SLC13A3: variants seen among roughly 807,000 people sequenced by gnomAD.
SLC13A3 encodes solute carrier family 13 member 3.
In SLC13A3, 40 loss-of-function variants were observed where a neutral mutation model predicts 59.0. The observed-to-expected ratio is 0.68, with a 90% CI of 0.53 to 0.88. The LOEUF is 0.88. Ranked by LOEUF, SLC13A3 falls within the 40% of genes least tolerant of loss-of-function variation. The pLI, the probability that SLC13A3 is intolerant of heterozygous loss-of-function variation, is 0.00. For synonymous variants in SLC13A3, 317 were observed against 330.3 expected (o/e 0.96, Z 0.44); for missense variants, 699 against 783.2 (o/e 0.89, Z 1.28).
Position 46,561,659 on chromosome 20 carries a change from TG to T in SLC13A3, c.1633-1462del, listed in dbSNP as rs1169326280. On this transcript the variant is annotated intron_variant, in intron 12 of 12. Coordinates refer to ENST00000279027, the MANE Select transcript of SLC13A3 (RefSeq NM_022829.6). ...GAATATTCTTATTCAAGTTTTTTTT[TG>T]TTTTTTTTTTTTAATGTCAAGCTGA... Among the ~76,000 whole-genome samples the T allele has an allele frequency of 5.7e-3, 816 of 142,908 alleles. 14 individuals carry two copies. The highest frequency in any genetic ancestry group is 0.019 in the African/African-American group (738 of 39,120). 93.8% of individuals were successfully genotyped at this position (142,908 alleles called of 152,430 possible).
chr20:46,679,394 T>C (rs1212882448), intron 1 of SLC13A3, among the ~76,000 whole-genome samples: 2 of 151,894 alleles, frequency 1.3e-5, no homozygotes, highest in Non-Finnish European at 2.9e-5. Context: ...CTGTCTCTAC[T>C]AACAAATACA....
At chr20:46,607,004 C>T (rs1435490635) in intron 3 of SLC13A3, among the ~76,000 whole-genome samples, 10 of 152,250 alleles carry the variant, frequency 6.6e-5, no homozygotes, top group Admixed American at 6.5e-4. Flanking sequence ...CAGATAGCCC[C>T]ACCCTGCCCT....
At chr20:46,561,198 C>T (rs1356004551) in intron 12 of SLC13A3, among the ~76,000 whole-genome samples, 1 of 152,150 alleles carries the variant, frequency 6.6e-6, no homozygotes, top group Non-Finnish European at 1.5e-5. Context: ...AGCCCCCTGC[C>T]CTCTTTGAGT....
At chr20:46,566,740 C>T (rs1191929127) in intron 10 of SLC13A3, among the ~76,000 whole-genome samples, 27 of 151,802 alleles carry the variant, frequency 1.8e-4, no homozygotes, top group Non-Finnish European at 5.9e-5. Flanking sequence ...TCTCATCCCT[C>T]CAGTGAAGGT....
chr20:46,583,321 T>G (rs2062157658), intron 9 of SLC13A3: 1 of 1,014,642 alleles, frequency 9.9e-7, no homozygotes. Flanking sequence ...AAAACTGTGC[T>G]TAGCTCACAG....
chr20:46,652,416 T>A (rs1204798690), upstream of SLC13A3, among the ~76,000 whole-genome samples: 1 of 152,050 alleles, frequency 6.6e-6, no homozygotes, highest in Non-Finnish European at 1.5e-5. Flanking sequence ...TGAGATGTAG[T>A]CTCACTCTGT....
chr20:46,622,773 A>T (rs1253942821), intron 1 of SLC13A3, among the ~76,000 whole-genome samples: 1 of 152,152 alleles, frequency 6.6e-6, no homozygotes, highest in Non-Finnish European at 1.5e-5. Flanking sequence ...CAAGAATTTT[A>T]AAAAGACATG....
chr20:46,650,245 T>C lies in SLC13A3; in HGVS notation c.111+1066A>G, dbSNP rs116575848. Among the ~76,000 whole-genome samples, 558 of 152,214 alleles carry C rather than the reference T, an allele frequency of 3.7e-3. 4 individuals are homozygous for C. The highest frequency in any genetic ancestry group is 0.013 in the African/African-American group (536 of 41,538). ...CTTTGATCTTACAGGGGTTACTTCC[T>C]TGGGGAGACTGAAAACAGCTAGGGT... On this transcript the variant is annotated intron_variant, in intron 1 of 12. Coordinates refer to ENST00000279027, the MANE Select transcript of SLC13A3 (RefSeq NM_022829.6).
At chr20:46,573,302 C>G (rs748854771) in intron 10 of SLC13A3, among the ~76,000 whole-genome samples, 14 of 152,194 alleles carry the variant, frequency 9.2e-5, no homozygotes, top group Non-Finnish European at 1.6e-4. Flanking sequence ...TGAGGTCATA[C>G]CTGCACCTGG....
intron 1 of SLC13A3, among the ~76,000 whole-genome samples, chr20:46,656,523 TG>T (rs2062995384): frequency 7.0e-6 from 1 of 142,562 alleles, no homozygotes; most frequent in East Asian, 2.0e-4. Context: ...ATACTGTATA[TG>T]ATATATACTA....
Position 46,560,066 on chromosome 20 carries a change from C to T in SLC13A3, c.1765G>A (p.Ala589Thr). The stretch of plus-strand genomic sequence containing the variant: ...TCATTGGCCAAGGTGGGTGGCAATG[C>T]TGTGACATTGACCGAGTACATATCA... ...WADMYSVNVTALPPTLANDTF... is the reference protein window; with the variant it reads ...WADMYSVNVTTLPPTLANDTF... Residue 589 changes from alanine (A) to threonine (T), a missense_variant, in exon 13 of 13, where the codon GCA becomes ACA. By Grantham distance (58) the Ala-to-Thr change is moderately conservative. Transcript: ENST00000279027. 1 of 1,614,186 alleles carries T rather than the reference C, an allele frequency of 6.2e-7. No individual in the cohort carries two copies.
At chr20:46,560,362 T>C (rs2061920538) in intron 12 of SLC13A3, among the ~76,000 whole-genome samples, 164 bp from the exon 13 acceptor site, 1 of 152,132 alleles carries the variant, frequency 6.6e-6, no homozygotes, top group African/African-American at 2.4e-5. Context: ...GACCCTTCAA[T>C]CTTTACACTA....
At chr20:46,583,488 T>C in intron 9 of SLC13A3, 84 bp downstream of exon 9, 1 of 1,563,064 alleles carries the variant, frequency 6.4e-7, no homozygotes. Flanking sequence ...GTTAGTGCAG[T>C]GGGGGGCTCC....
At chr20:46,656,916 A>G (rs894578586) in intron 1 of SLC13A3, among the ~76,000 whole-genome samples, 2 of 152,024 alleles carry the variant, frequency 1.3e-5, no homozygotes, top group Non-Finnish European at 2.9e-5. Context: ...TCCGTTGTAT[A>G]ATATTCTTCA....
intron 1 of SLC13A3, among the ~76,000 whole-genome samples, chr20:46,637,344 A>G (rs2062805807): frequency 6.6e-6 from 1 of 152,176 alleles, no homozygotes. Context: ...TTTGGCCAAG[A>G]ATAAGAATGA....
chr20:46,648,879 T>C (rs1222893962), intron 1 of SLC13A3, among the ~76,000 whole-genome samples: 3 of 151,194 alleles, frequency 2.0e-5, no homozygotes, highest in Non-Finnish European at 4.4e-5. Context: ...CACTCCAGCC[T>C]GTGTTACAGA....
intron 10 of SLC13A3, 143 bp from the exon 11 acceptor site, chr20:46,566,533 T>A (rs2061982610): frequency 2.3e-6 from 2 of 875,608 alleles, no homozygotes; most frequent in Non-Finnish European, 3.4e-6. Context: ...AGGTGACGTG[T>A]CCAATGTCAC....
intron 1 of SLC13A3, among the ~76,000 whole-genome samples, chr20:46,678,678 A>G (rs563992230): frequency 6.6e-6 from 1 of 151,926 alleles, no homozygotes; most frequent in South Asian, 2.1e-4. Flanking sequence ...GGAGAAGCAA[A>G]ATCTTCCACA....
intron 9 of SLC13A3, among the ~76,000 whole-genome samples, chr20:46,581,976 G>A (rs2146110641): frequency 6.6e-6 from 1 of 152,260 alleles, no homozygotes; most frequent in East Asian, 1.9e-4. Flanking sequence ...GCCTCCCTGA[G>A]GTCCAGCTAT....
Sources: allele counts gnomAD v4.1 joint callset (sites outside exome capture counted in the v4.1 genomes callset), GRCh38; gene constraint gnomAD v4.1.1; transcripts MANE v1.5; gene names NCBI Gene and HGNC (gene_info 2026-07-23, HGNC 2026-07-21).